The following NDUFAF2 variants were observed in gnomAD, a reference collection of about 807,000 sequenced individuals.
NDUFAF2 encodes NADH:ubiquinone oxidoreductase complex assembly factor 2, also known as NADH dehydrogenase [ubiquinone] 1 alpha subcomplex assembly factor 2.
NDUFAF2 carries 13 observed loss-of-function variants against 22.8 expected under a neutral mutation model. That is an observed-to-expected ratio of 0.57 (90% CI 0.37 to 0.91). The LOEUF is 0.91. Among genes scored for constraint, NDUFAF2 ranks in the 40% least tolerant of loss-of-function variants. The probability of loss-of-function intolerance (pLI) is 0.01; values close to 1 mark genes in which losing one functional copy is unlikely to be tolerated. For missense variants in NDUFAF2, 162 were observed against 195.2 expected, an observed-to-expected ratio of 0.83 and a Z score of 1.01; for synonymous variants, 53 against 64.2, an observed-to-expected ratio of 0.83 and a Z score of 0.84.
At chr5:61,122,756 A>G (rs1302887801) in intron 3 of NDUFAF2, among the ~76,000 whole-genome samples, 1 of 152,194 alleles carries the variant, frequency 6.6e-6, no homozygotes, top group Non-Finnish European at 1.5e-5. Context: ...ACAAGCATAT[A>G]AAAGTCCTGT....
chr5:60,983,640 C>A (rs1191445831), intron 1 of NDUFAF2, among the ~76,000 whole-genome samples: 1 of 149,382 alleles, frequency 6.7e-6, no homozygotes, highest in Non-Finnish European at 1.5e-5. Context: ...TTTCCCAGCA[C>A]CATTTATTAA....
intron 1 of NDUFAF2, among the ~76,000 whole-genome samples, chr5:61,054,682 T>C (rs1442647924): frequency 2.6e-5 from 4 of 152,236 alleles, no homozygotes; most frequent in Non-Finnish European, 5.9e-5. Context: ...ATATCTTACA[T>C]GTTCCTCTGC....
At chr5:61,077,843 G>A (rs908645133) in intron 2 of NDUFAF2, among the ~76,000 whole-genome samples, 1 of 152,182 alleles carries the variant, frequency 6.6e-6, no homozygotes, top group Admixed American at 6.5e-5. Context: ...ATGTGGTAAT[G>A]AGAAATTGTG....
chr5:61,074,407 T>G (rs868312384), intron 2 of NDUFAF2, among the ~76,000 whole-genome samples: 2 of 152,078 alleles, frequency 1.3e-5, no homozygotes, highest in African/African-American at 4.8e-5. Context: ...GCCAACATGG[T>G]GAAACCCCGT....
intron 3 of NDUFAF2, among the ~76,000 whole-genome samples, chr5:61,120,713 A>G (rs1005728298): frequency 1.4e-4 from 18 of 130,808 alleles, no homozygotes; most frequent in Non-Finnish European, 3.2e-5. Flanking sequence ...ATACAGAATT[A>G]GTTCTGAAGA....
chr5:61,008,223 A>G (rs1368051045), intron 1 of NDUFAF2, among the ~76,000 whole-genome samples: 1 of 151,784 alleles, frequency 6.6e-6, no homozygotes, highest in East Asian at 1.9e-4. Context: ...TAATGGGTGC[A>G]GCGCACCAGC....
At chr5:61,135,111 T>G (rs1426444353) in intron 3 of NDUFAF2, among the ~76,000 whole-genome samples, 2 of 151,666 alleles carry the variant, frequency 1.3e-5, no homozygotes, top group East Asian at 3.9e-4. Context: ...ATTGGAAATG[T>G]CATTATGAAC....
intron 3 of NDUFAF2, among the ~76,000 whole-genome samples, chr5:61,138,040 G>A (rs1482583991): frequency 6.6e-6 from 1 of 152,262 alleles, no homozygotes. Flanking sequence ...TGTGGCACAT[G>A]CTAAAATTGT....
At chr5:61,009,870 T>C (rs1301415624) in intron 1 of NDUFAF2, among the ~76,000 whole-genome samples, 1 of 151,974 alleles carries the variant, frequency 6.6e-6, no homozygotes, top group Non-Finnish European at 1.5e-5. Context: ...TCCCTTCCTC[T>C]AAAAAAACAA....
At chr5:61,002,877 T>C (rs960342579) in intron 1 of NDUFAF2, among the ~76,000 whole-genome samples, 6 of 152,146 alleles carry the variant, frequency 3.9e-5, no homozygotes, top group Non-Finnish European at 7.4e-5. Context: ...ACAACTAAAA[T>C]TGACAGCATA....
chr5:61,089,025 T>A (rs1397248983), intron 2 of NDUFAF2, among the ~76,000 whole-genome samples: 4 of 152,132 alleles, frequency 2.6e-5, no homozygotes, highest in Non-Finnish European at 5.9e-5. Flanking sequence ...AAGGTGTACT[T>A]GCCATTTTTA....
chr5:61,023,951 C>T (rs1387077893), intron 1 of NDUFAF2, among the ~76,000 whole-genome samples: 1 of 152,128 alleles, frequency 6.6e-6, no homozygotes, highest in Non-Finnish European at 1.5e-5. Context: ...AGTTTGAAAC[C>T]CCGGGGATTG....
chr5:61,062,051 A>G (rs1253126116), intron 1 of NDUFAF2, among the ~76,000 whole-genome samples: 1 of 152,150 alleles, frequency 6.6e-6, no homozygotes, highest in African/African-American at 2.4e-5. Context: ...TACCATCTAC[A>G]TGTGAAAGTC....
At chr5:60,965,809 A>C (rs1750751708) in intron 1 of NDUFAF2, among the ~76,000 whole-genome samples, 1 of 152,160 alleles carries the variant, frequency 6.6e-6, no homozygotes, top group African/African-American at 2.4e-5. Context: ...GATTATTCTA[A>C]ATAATATTAC....
intron 1 of NDUFAF2, among the ~76,000 whole-genome samples, chr5:61,017,893 G>T (rs1751532663): frequency 6.6e-6 from 1 of 152,098 alleles, no homozygotes; most frequent in Non-Finnish European, 1.5e-5. Context: ...GGGATGACAG[G>T]CATGCGTCAC....
intron 1 of NDUFAF2, among the ~76,000 whole-genome samples, chr5:61,020,048 T>C (rs1480580933): frequency 3.9e-5 from 6 of 152,174 alleles, no homozygotes; most frequent in Admixed American, 3.9e-4. Context: ...TTTGATAATA[T>C]ATGTATTTTG....
intron 3 of NDUFAF2, among the ~76,000 whole-genome samples, chr5:61,125,059 C>G (rs1307390670): frequency 6.6e-6 from 1 of 151,980 alleles, no homozygotes; most frequent in Admixed American, 6.6e-5. Flanking sequence ...GGAAATCCAT[C>G]CCCATGATCC....
rs568678285 is a variant in NDUFAF2, at chr5:61,079,438, C to T, written c.217+6224C>T. ...AAGGGATTTACCTCCTATTTTTCATCTATAAAATTAAAACGCTGAGTTCAT... is the reference window on the plus strand; with the variant it reads ...AAGGGATTTACCTCCTATTTTTCATTTATAAAATTAAAACGCTGAGTTCAT... On this transcript the variant is annotated intron_variant, in intron 2 of 3. Transcript: ENST00000296597. Among the ~76,000 whole-genome samples, 107 of 152,298 alleles carry T rather than the reference C, an allele frequency of 7.0e-4. 3 individuals are homozygous for T. The South Asian group carries it at 0.022, about 31-fold the overall frequency.
intron 2 of NDUFAF2, among the ~76,000 whole-genome samples, chr5:61,083,000 A>G (rs561535547): frequency 2.0e-5 from 3 of 152,188 alleles, no homozygotes; most frequent in East Asian, 1.9e-4. Context: ...CCAACAGTGT[A>G]TAAGTGTTCC....
Sources: gnomAD v4.1 joint callset for allele counts (sites outside exome capture counted in the v4.1 genomes callset) on GRCh38, gnomAD v4.1.1 for gene constraint, MANE v1.5 for transcripts, NCBI Gene and HGNC (gene_info 2026-07-23, HGNC 2026-07-21) for gene names.